Variants in IMMP2L observed in about 807,000 individuals in gnomAD.
IMMP2L encodes inner mitochondrial membrane peptidase subunit 2, also known as mitochondrial inner membrane protease subunit 2.
IMMP2L carries 18 observed loss-of-function variants against 19.3 expected under a neutral mutation model. The ratio of observed to expected loss-of-function variants is 0.93; its 90% CI spans 0.64 to 1.38. The LOEUF (loss-of-function observed/expected upper bound fraction) is 1.38, where lower values mean the gene tolerates loss of function less well. IMMP2L is among the 40% of genes most tolerant of loss of function. The pLI is 0.00. For synonymous variants in IMMP2L, 76 were observed against 73.0 expected, an observed-to-expected ratio of 1.04 and a Z score of -0.21; for missense variants, 233 against 218.2, an observed-to-expected ratio of 1.07 and a Z score of -0.43.
At chr7:111,080,780 C>G (rs1795827527) in intron 3 of IMMP2L, among the ~76,000 whole-genome samples, 2 of 152,148 alleles carry the variant, frequency 1.3e-5, no homozygotes, top group South Asian at 4.1e-4. Context: ...AGGCATTGTG[C>G]TGAGGACCAG....
intron 4 of IMMP2L, among the ~76,000 whole-genome samples, chr7:110,888,536 G>A (rs544268704): frequency 5.3e-5 from 8 of 152,198 alleles, no homozygotes; most frequent in Admixed American, 2.6e-4. Flanking sequence ...GCAGTGACAC[G>A]GTGAGTTTTA....
At chr7:111,290,695 G>T (rs1003308114) in intron 3 of IMMP2L, among the ~76,000 whole-genome samples, 1 of 151,884 alleles carries the variant, frequency 6.6e-6, no homozygotes, top group Non-Finnish European at 1.5e-5. Flanking sequence ...CCTTTCTGAT[G>T]AATCTATTGC....
intron 3 of IMMP2L, among the ~76,000 whole-genome samples, chr7:111,187,497 T>A (rs986104801): frequency 1.3e-5 from 2 of 152,166 alleles, no homozygotes; most frequent in Admixed American, 1.3e-4. Flanking sequence ...TAACGAGAAT[T>A]CAAACCACTA....
At chr7:111,396,450 T>C (rs532168048) in intron 3 of IMMP2L, among the ~76,000 whole-genome samples, 8 of 152,028 alleles carry the variant, frequency 5.3e-5, no homozygotes, top group African/African-American at 1.9e-4. Flanking sequence ...AGTTGAACAA[T>C]GAGAACACAT....
intron 3 of IMMP2L, among the ~76,000 whole-genome samples, chr7:111,095,264 G>A (rs192379778): frequency 1.3e-5 from 2 of 151,982 alleles, no homozygotes; most frequent in East Asian, 1.9e-4. Flanking sequence ...GTTTGAAATC[G>A]TTATAATGTA....
intron 3 of IMMP2L, among the ~76,000 whole-genome samples, chr7:111,444,564 T>A (rs953380745): frequency 6.6e-6 from 1 of 152,184 alleles, no homozygotes; most frequent in Non-Finnish European, 1.5e-5. Flanking sequence ...AGTGTTGAAT[T>A]TTTTTAAATT....
chr7:111,462,935 A>G (rs1840270769), intron 3 of IMMP2L, among the ~76,000 whole-genome samples: 1 of 152,166 alleles, frequency 6.6e-6, no homozygotes, highest in Non-Finnish European at 1.5e-5. Context: ...GACATATGGT[A>G]TGTTATTCTG....
chr7:111,249,693 C>A (rs1274218629), intron 3 of IMMP2L, among the ~76,000 whole-genome samples: 1 of 152,104 alleles, frequency 6.6e-6, no homozygotes. Flanking sequence ...CAGAAAAGGC[C>A]TTTGGTAAAA....
chr7:110,959,088 C>T (rs1818664533), intron 4 of IMMP2L, among the ~76,000 whole-genome samples: 1 of 151,896 alleles, frequency 6.6e-6, no homozygotes, highest in Non-Finnish European at 1.5e-5. Context: ...TTGGATTAAT[C>T]CTTCAATTAA....
chr7:111,368,587 G>A (rs1424584657), intron 3 of IMMP2L, among the ~76,000 whole-genome samples: 2 of 151,836 alleles, frequency 1.3e-5, no homozygotes, highest in Non-Finnish European at 2.9e-5. Flanking sequence ...TCTGTTTCAA[G>A]CATAACTCTT....
chr7:111,276,086 C>A (rs1819014167), intron 3 of IMMP2L, among the ~76,000 whole-genome samples: 1 of 151,792 alleles, frequency 6.6e-6, no homozygotes, highest in Non-Finnish European at 1.5e-5. Flanking sequence ...GTGGGTTTGT[C>A]TTATATTTTC....
intron 5 of IMMP2L, among the ~76,000 whole-genome samples, chr7:110,674,542 A>G (rs997476995): frequency 6.6e-6 from 1 of 152,234 alleles, no homozygotes; most frequent in African/African-American, 2.4e-5. Context: ...AATTTTACTT[A>G]GCAGCGTAAG....
At chr7:110,886,513 C>A in intron 5 of IMMP2L, 80 bp downstream of exon 5, 1 of 789,952 alleles carries the variant, frequency 1.3e-6, no homozygotes, top group Admixed American at 1.9e-5. Flanking sequence ...GGCTGAGTTA[C>A]CTGAATAACC....
intron 3 of IMMP2L, among the ~76,000 whole-genome samples, chr7:111,114,243 T>A (rs1184209652): frequency 6.6e-6 from 1 of 152,146 alleles, no homozygotes. Flanking sequence ...ATTCTTCAAA[T>A]TTTTCATGAA....
chr7:111,385,985 A>G (rs752423332), intron 3 of IMMP2L, among the ~76,000 whole-genome samples: 11 of 151,582 alleles, frequency 7.3e-5, no homozygotes, highest in Admixed American at 4.6e-4. Flanking sequence ...GCAGCCTCCA[A>G]CTCCTGGGCT....
intron 3 of IMMP2L, among the ~76,000 whole-genome samples, chr7:111,049,136 CTTTTTTT>C (rs869087664): frequency 9.1e-5 from 1 of 10,930 alleles, no homozygotes; most frequent in African/African-American, 2.0e-4. Context: ...TTTTTTTTTT[CTTTTTTT>C]TTTTTGGGAC....
chr7:111,286,943 C>G (rs918863895), intron 3 of IMMP2L, among the ~76,000 whole-genome samples: 2 of 152,240 alleles, frequency 1.3e-5, no homozygotes, highest in East Asian at 3.9e-4. Flanking sequence ...TGATAAGACA[C>G]CCTTAGAATA....
At position 110,663,513 on chromosome 7, in the gene IMMP2L, A is replaced by G; in HGVS notation, c.*89T>C. On this transcript the variant is annotated 3_prime_UTR_variant, in exon 6 of 6. Coordinates refer to ENST00000405709, the MANE Select transcript of IMMP2L (RefSeq NM_032549.4). ...ATTTCTCGCACAGCATCATATTGTC[A>G]GAAGTTTTTCCCTTTTGGAGGCTTC... The G allele has an allele frequency of 9.2e-7, 1 of 1,086,528 alleles. No homozygotes were observed. Among genetic ancestry groups the G allele is most frequent in the Non-Finnish European group, 1.4e-6 (1 of 718,706 alleles). The allele number at this position is 1,086,528 out of a possible 1,614,324, so 67.3% of individuals were successfully genotyped here.
chr7:110,863,379 G>T (rs925030764), intron 5 of IMMP2L, among the ~76,000 whole-genome samples: 4 of 152,130 alleles, frequency 2.6e-5, no homozygotes, highest in African/African-American at 9.7e-5. Flanking sequence ...AAGAGCAATG[G>T]AAAGTCCACA....
Sources: allele counts gnomAD v4.1 joint callset (sites outside exome capture counted in the v4.1 genomes callset), GRCh38; gene constraint gnomAD v4.1.1; transcripts MANE v1.5; gene names NCBI Gene and HGNC (gene_info 2026-07-23, HGNC 2026-07-21).